The following SNTB2 variants were observed in gnomAD, a reference collection of about 807,000 sequenced individuals.
SNTB2 encodes the protein beta-2-syntrophin.
In SNTB2, 34 loss-of-function variants were observed where a neutral mutation model predicts 46.2. The observed-to-expected ratio is 0.74, with a 90% CI of 0.56 to 0.98. The LOEUF is 0.98. SNTB2 is among the 50% of genes least tolerant of loss of function. The pLI is 0.00. For synonymous variants in SNTB2, 290 were observed against 312.6 expected, an observed-to-expected ratio of 0.93 and a Z score of 0.76; for missense variants, 603 against 731.4, an observed-to-expected ratio of 0.82 and a Z score of 2.02.
At chr16:69,248,515 C>A (rs1964692831) in intron 2 of SNTB2, among the ~76,000 whole-genome samples, 1 of 152,020 alleles carries the variant, frequency 6.6e-6, no homozygotes, top group Non-Finnish European at 1.5e-5. Context: ...ACCTGTAATC[C>A]CAGCTACTTG....
chr16:69,225,281 T>G (rs1964447981), intron 1 of SNTB2, among the ~76,000 whole-genome samples: 1 of 152,258 alleles, frequency 6.6e-6, no homozygotes, highest in Non-Finnish European at 1.5e-5. Context: ...ACAGCTATTG[T>G]GCTGGGTTAA....
At chr16:69,211,318 A>G (rs1343542355) in intron 1 of SNTB2, among the ~76,000 whole-genome samples, 3 of 152,002 alleles carry the variant, frequency 2.0e-5, no homozygotes, top group African/African-American at 4.8e-5. Flanking sequence ...TGTTTTATTA[A>G]CCATTTCAAA....
intron 1 of SNTB2, among the ~76,000 whole-genome samples, chr16:69,218,480 G>A (rs1440829946): frequency 1.3e-5 from 2 of 150,942 alleles, no homozygotes; most frequent in Non-Finnish European, 2.9e-5. Context: ...GGAGTGCAGT[G>A]GCACGATCTC....
chr16:69,206,799 CT>C (rs1964224132), intron 1 of SNTB2, among the ~76,000 whole-genome samples: 1 of 151,382 alleles, frequency 6.6e-6, no homozygotes. Flanking sequence ...GAGTTTTGCT[CT>C]TGTTGCCCAG....
intron 4 of SNTB2, among the ~76,000 whole-genome samples, chr16:69,280,415 T>C (rs1965028730): frequency 6.6e-6 from 1 of 151,868 alleles, no homozygotes; most frequent in East Asian, 1.9e-4. Flanking sequence ...GCAGAGGGGC[T>C]CCTCACTTCC....
chr16:69,246,390 C>T (rs1964670424), intron 2 of SNTB2, among the ~76,000 whole-genome samples: 1 of 151,518 alleles, frequency 6.6e-6, no homozygotes, highest in Non-Finnish European at 1.5e-5. Flanking sequence ...TTGAACCAGC[C>T]TTGCATCCCA....
rs1391270763 is a variant in SNTB2, at chr16:69,292,413, ATATAT to A, written c.1346-7171_1346-7167del. Among the ~76,000 whole-genome samples, 26 of 23,032 alleles carry A rather than the reference ATATAT, an allele frequency of 1.1e-3. 9 individuals are homozygous for A. The highest frequency in any genetic ancestry group is 8.3e-3 in the African/African-American group (22 of 2,666). The allele number at this position is 23,032 out of a possible 152,430, so 15.1% of individuals were successfully genotyped here. ...TATTATATATATATATATATTATATATATATTATATATATATATATATTATATATA... is the reference window on the plus strand; with the variant it reads ...TATTATATATATATATATATTATATATATATATATATATATATTATATATA... On this transcript the variant is annotated intron_variant, in intron 5 of 6. Transcript: ENST00000336278.
At chr16:69,193,174 T>C (rs1964070721) in intron 1 of SNTB2, among the ~76,000 whole-genome samples, 1 of 151,732 alleles carries the variant, frequency 6.6e-6, no homozygotes, top group African/African-American at 2.4e-5. Flanking sequence ...TAGGATCACT[T>C]GAGGCCAGGA....
chr16:69,261,575 A>G (rs1964835119), intron 3 of SNTB2, among the ~76,000 whole-genome samples: 1 of 152,160 alleles, frequency 6.6e-6, no homozygotes, highest in African/African-American at 2.4e-5. Context: ...TATAAAGCAT[A>G]ATTAGAATAA....
intron 4 of SNTB2, among the ~76,000 whole-genome samples, chr16:69,271,968 G>T (rs1964941728): frequency 6.6e-6 from 1 of 152,158 alleles, no homozygotes; most frequent in Admixed American, 6.6e-5. Flanking sequence ...GTATTAATTT[G>T]CAAGTAGGGA....
chr16:69,265,324 A>G (rs1011802145), intron 3 of SNTB2, among the ~76,000 whole-genome samples: 3 of 152,188 alleles, frequency 2.0e-5, no homozygotes, highest in African/African-American at 4.8e-5. Flanking sequence ...TAACTCTCAA[A>G]GTGCATAAAG....
intron 1 of SNTB2, among the ~76,000 whole-genome samples, chr16:69,225,359 G>T (rs568732210): frequency 6.6e-6 from 1 of 152,232 alleles, no homozygotes; most frequent in Non-Finnish European, 1.5e-5. Context: ...GGTTTATCCA[G>T]CTAGTCCAGA....
rs182195939 is a variant in SNTB2 at position 69,256,594 on chromosome 16, A to G, written c.795-3456A>G. On this transcript the variant is annotated intron_variant, in intron 2 of 6. Transcript: ENST00000336278. Reference sequence around the variant, plus strand: ...TTATTTCTTCTTTCGTGACTGGCTTATTTTACTAGTATAATATCCTCAATG... The same window carrying G: ...TTATTTCTTCTTTCGTGACTGGCTTGTTTTACTAGTATAATATCCTCAATG... Among the ~76,000 whole-genome samples, 3 of 152,224 alleles carry G rather than the reference A, an allele frequency of 2.0e-5. No individual in the cohort carries two copies. The East Asian group carries it at 5.8e-4, about 29-fold the overall frequency.
intron 4 of SNTB2, among the ~76,000 whole-genome samples, chr16:69,270,564 G>A (rs773848616): frequency 3.2e-4 from 48 of 152,136 alleles, no homozygotes; most frequent in Non-Finnish European, 5.1e-4. Context: ...TAGTCATGAA[G>A]ATTATAGGGT....
In SNTB2 at chr16:69,302,371, G is replaced by C. The variant is rs1965282716; in HGVS notation, c.*1447G>C. Reference sequence around the variant, plus strand: ...CACAGTCCCTGGATCTCAAAGAATAGGTAATATTGACTTGGATGTTCTTTA... The same window carrying C: ...CACAGTCCCTGGATCTCAAAGAATACGTAATATTGACTTGGATGTTCTTTA... On this transcript the variant is annotated 3_prime_UTR_variant, in exon 7 of 7. Transcript: ENST00000336278. The C allele has an allele frequency of 6.6e-6, 1 of 152,142 alleles. No homozygotes were observed. The highest frequency in any genetic ancestry group is 1.5e-5 in the Non-Finnish European group (1 of 68,016). 9.4% of individuals were successfully genotyped at this position (152,142 alleles called of 1,614,324 possible).
chr16:69,258,766 C>G (rs963198774), intron 2 of SNTB2, among the ~76,000 whole-genome samples: 3 of 151,780 alleles, frequency 2.0e-5, no homozygotes, highest in Non-Finnish European at 4.4e-5. Flanking sequence ...CATGTGCCAT[C>G]ACGCCTGGCT....
At chr16:69,260,403 T>G in intron 3 of SNTB2, 143 bp downstream of exon 3, 1 of 744,078 alleles carries the variant, frequency 1.3e-6, no homozygotes, top group Non-Finnish European at 2.2e-6. Flanking sequence ...AGTGTTTTGT[T>G]TCACCTCCCT....
At chr16:69,295,767 C>T (rs1965217670) in intron 5 of SNTB2, among the ~76,000 whole-genome samples, 2 of 150,340 alleles carry the variant, frequency 1.3e-5, no homozygotes, top group Admixed American at 6.6e-5. Context: ...TACACACACA[C>T]ATAGCTGTTA....
At chr16:69,231,948 A>G (rs1964509860) in intron 1 of SNTB2, among the ~76,000 whole-genome samples, 1 of 152,206 alleles carries the variant, frequency 6.6e-6, no homozygotes, top group Non-Finnish European at 1.5e-5. Context: ...ATAAATGACC[A>G]AGAACTAGTT....
Sources: gnomAD v4.1 joint callset for allele counts (sites outside exome capture counted in the v4.1 genomes callset) on GRCh38, gnomAD v4.1.1 for gene constraint, MANE v1.5 for transcripts, NCBI Gene and HGNC (gene_info 2026-07-23, HGNC 2026-07-21) for gene names.